The following ZNF609 variants were observed in gnomAD, a reference collection of about 807,000 sequenced individuals.
The protein encoded by ZNF609 is zinc finger protein 609.
Under a neutral mutation model 109.5 loss-of-function variants are expected in ZNF609, and 11 were observed. That is an observed-to-expected ratio of 0.10 (90% CI 0.06 to 0.17). ZNF609 has a LOEUF of 0.17. ZNF609 is among the 10% of genes least tolerant of loss of function. ZNF609 has a pLI of 1.00. For missense variants in ZNF609, 1,559 were observed against 1,772.4 expected, an observed-to-expected ratio of 0.88 and a Z score of 2.16; for synonymous variants, 646 against 662.0, an observed-to-expected ratio of 0.98 and a Z score of 0.37.
In ZNF609 at chr15:64,551,390, T is replaced by A. The variant is rs144418282; in HGVS notation, c.747+51224T>A. ...TAGATGTCTTGCTTGGCGCGGTGGC[T>A]CACGCCTGTAATCCCAGCACTTTGG... On this transcript the variant is annotated intron_variant, in intron 2 of 9. Transcript: ENST00000326648. 2.4e-3 allele frequency among the ~76,000 whole-genome samples: 365 copies of A among 152,238 alleles called. 2 individuals are homozygous for A. The highest frequency in any genetic ancestry group is 8.5e-3 in the African/African-American group (352 of 41,556).
At chr15:64,597,282 G>A (rs1317441130) in intron 2 of ZNF609, among the ~76,000 whole-genome samples, 1 of 152,116 alleles carries the variant, frequency 6.6e-6, no homozygotes, top group Admixed American at 6.6e-5. Flanking sequence ...TTCCTCCTCA[G>A]TTACTGTCAA....
intron 2 of ZNF609, 101 bp from the exon 3 acceptor site, chr15:64,622,726 C>A: frequency 9.8e-7 from 1 of 1,023,976 alleles, no homozygotes; most frequent in Non-Finnish European, 1.5e-6. Flanking sequence ...GCCGTCTGCA[C>A]TCTGGCAGGA....
intron 2 of ZNF609, among the ~76,000 whole-genome samples, chr15:64,568,822 A>C (rs1271838889): frequency 6.6e-6 from 1 of 152,234 alleles, no homozygotes; most frequent in Non-Finnish European, 1.5e-5. Flanking sequence ...TGTTCTAGAA[A>C]GGCCATGGAC....
At chr15:64,493,618 C>G (rs1893444771) in intron 1 of ZNF609, among the ~76,000 whole-genome samples, 1 of 152,072 alleles carries the variant, frequency 6.6e-6, no homozygotes, top group Admixed American at 6.6e-5. Context: ...TCATGGTGGA[C>G]AAGTGATTCC....
chr15:64,668,820 G>C (rs748920412), intron 3 of ZNF609, among the ~76,000 whole-genome samples: 2 of 151,722 alleles, frequency 1.3e-5, no homozygotes, highest in Non-Finnish European at 2.9e-5. Flanking sequence ...GGGGGTGGTG[G>C]TGCATGCCTA....
chr15:64,640,082 G>GC (rs962701071), intron 3 of ZNF609, among the ~76,000 whole-genome samples: 5 of 151,640 alleles, frequency 3.3e-5, no homozygotes, highest in African/African-American at 1.2e-4. Flanking sequence ...ACCACACCCA[G>GC]CTAATTGTTG....
At chr15:64,617,087 C>A (rs997269173) in intron 2 of ZNF609, among the ~76,000 whole-genome samples, 1 of 151,852 alleles carries the variant, frequency 6.6e-6, no homozygotes, top group African/African-American at 2.4e-5. Flanking sequence ...GGATTACAGG[C>A]GTGAGCCACT....
chr15:64,577,062 A>ATG (rs1567019123), intron 2 of ZNF609, among the ~76,000 whole-genome samples: 1 of 108,474 alleles, frequency 9.2e-6, no homozygotes, highest in South Asian at 2.4e-4. Flanking sequence ...ATATACATAT[A>ATG]TGTATATATA....
At chr15:64,485,493 T>A (rs1003948484) in intron 1 of ZNF609, among the ~76,000 whole-genome samples, 16 of 152,216 alleles carry the variant, frequency 1.1e-4, no homozygotes, top group Middle Eastern at 3.2e-3. Flanking sequence ...TTATAGAGTC[T>A]TACGCAGTTG....
intron 2 of ZNF609, among the ~76,000 whole-genome samples, chr15:64,594,010 G>A (rs1168145954): frequency 3.3e-5 from 5 of 152,178 alleles, no homozygotes; most frequent in African/African-American, 1.2e-4. Flanking sequence ...GGTTTGAAGG[G>A]TTTTATGTCA....
chr15:64,473,117 C>G (rs1013053034), intron 1 of ZNF609, among the ~76,000 whole-genome samples: 1 of 151,782 alleles, frequency 6.6e-6, no homozygotes, highest in African/African-American at 2.4e-5. Flanking sequence ...TTGAAACCCG[C>G]CTATGCTTTT....
At chr15:64,549,505 A>C (rs1054071838) in intron 2 of ZNF609, among the ~76,000 whole-genome samples, 7 of 152,156 alleles carry the variant, frequency 4.6e-5, no homozygotes, top group African/African-American at 1.7e-4. Context: ...ATATTTACTA[A>C]TTTAATCCTC....
Position 64,519,152 on chromosome 15 carries a change from A to G in ZNF609, c.747+18986A>G, listed in dbSNP as rs527826762. On this transcript the variant is annotated intron_variant, in intron 2 of 9. Coordinates refer to ENST00000326648, the MANE Select transcript of ZNF609 (RefSeq NM_015042.2). ...GGGGGGCGGGGGCGGGTCAGGGAAA[A>G]TATCCGTGAAGAAGTTTGAGTAAAT... Among the ~76,000 whole-genome samples the G allele has an allele frequency of 1.3e-3, 200 of 151,806 alleles. 1 individual carries two copies. The highest frequency in any genetic ancestry group is 6.8e-3 in the Middle Eastern group (2 of 294).
chr15:64,574,738 CCTCT>C (rs1444136238), intron 2 of ZNF609, among the ~76,000 whole-genome samples: 2 of 152,148 alleles, frequency 1.3e-5, no homozygotes, highest in Non-Finnish European at 1.5e-5. Flanking sequence ...CCCCCTCCCT[CCTCT>C]CTATTTCATT....
At chr15:64,544,770 C>G (rs1894328276) in intron 2 of ZNF609, among the ~76,000 whole-genome samples, 1 of 152,206 alleles carries the variant, frequency 6.6e-6, no homozygotes, top group Admixed American at 6.5e-5. Flanking sequence ...CCCCTTTTTA[C>G]CAATCTAGCA....
At chr15:64,515,838 C>T (rs143628666) in intron 2 of ZNF609, among the ~76,000 whole-genome samples, 99 of 151,388 alleles carry the variant, frequency 6.5e-4, no homozygotes, top group South Asian at 4.2e-3. Context: ...CTCGGGAGGC[C>T]GAGGCAGGAT....
rs1027703245 is a variant in ZNF609, at chr15:64,677,052, G to A, written c.3402+796G>A. Among the ~76,000 whole-genome samples the A allele has an allele frequency of 6.0e-5, 9 of 151,228 alleles. 1 individual carries two copies. The highest frequency in any genetic ancestry group is 2.1e-4 in the South Asian group (1 of 4,794). On this transcript the variant is annotated intron_variant, in intron 5 of 9. Transcript: ENST00000326648. ...AAGGCGTGAGCCACTGCGCCCAGTC[G>A]TAATTTTTTTTATTTTTATGTTTTT...
chr15:64,529,234 T>A (rs1894018426), intron 2 of ZNF609: 1 of 718,980 alleles, frequency 1.4e-6, no homozygotes, highest in South Asian at 1.4e-5. Flanking sequence ...TTGCTGACGA[T>A]CTTGAGGCTG....
chr15:64,483,975 C>T (rs1342373949), intron 1 of ZNF609, among the ~76,000 whole-genome samples: 1 of 151,756 alleles, frequency 6.6e-6, no homozygotes, highest in Admixed American at 6.6e-5. Flanking sequence ...TTTTTTTCCC[C>T]CATTGCACTG....
Sources: allele counts gnomAD v4.1 joint callset (sites outside exome capture counted in the v4.1 genomes callset), GRCh38; gene constraint gnomAD v4.1.1; transcripts MANE v1.5; gene names NCBI Gene and HGNC (gene_info 2026-07-23, HGNC 2026-07-21).